The following PHF24 variants were observed in gnomAD, a reference collection of about 807,000 sequenced individuals.
PHF24 encodes the protein PHD finger protein 24, also known as Galpha inhibitory interacting protein.
A neutral mutation model predicts 42.6 loss-of-function variants in PHF24; 25 were observed. The ratio of observed to expected loss-of-function variants is 0.59; its 90% confidence interval spans 0.43 to 0.82. The LOEUF is 0.82. Ranked by LOEUF, PHF24 falls within the 40% of genes least tolerant of loss-of-function variation. PHF24 has a pLI of 0.00. For missense variants in PHF24, 470 were observed against 538.1 expected (o/e 0.87, Z 1.25); for synonymous variants, 185 against 204.8 (o/e 0.90, Z 0.83).
At chr9:34,822,053 A>T in the PHF24 span, among the ~76,000 whole-genome samples, 3 of 152,086 alleles carry the variant, frequency 2.0e-5, no homozygotes, top group Non-Finnish European at 4.4e-5. Flanking sequence ...TTTCTTTTCT[A>T]CTTCTGTATC....
the PHF24 span, among the ~76,000 whole-genome samples, chr9:34,722,053 GTTA>G: frequency 2.0e-5 from 3 of 152,134 alleles, no homozygotes; most frequent in East Asian, 5.8e-4. Context: ...TGTTTGGTGT[GTTA>G]TCCAGTTGCA....
At chr9:34,740,588 G>A in the PHF24 span, among the ~76,000 whole-genome samples, 6 of 152,298 alleles carry the variant, frequency 3.9e-5, no homozygotes, top group East Asian at 1.9e-4. Flanking sequence ...CAAGCACCTC[G>A]CGCAGCCCCG....
chr9:34,709,909 G>T, the PHF24 span: 1 of 1,614,192 alleles, frequency 6.2e-7, no homozygotes, highest in Non-Finnish European at 8.5e-7. Context: ...TGCAGGGTGG[G>T]ATTCACAGGG....
the PHF24 span, among the ~76,000 whole-genome samples, chr9:34,717,182 C>T: frequency 6.6e-6 from 1 of 152,042 alleles, no homozygotes; most frequent in Admixed American, 6.6e-5. Flanking sequence ...TACAGTTGTT[C>T]CCAGAGTCTT....
chr9:34,916,640 A>C, the PHF24 span, among the ~76,000 whole-genome samples: 1 of 152,222 alleles, frequency 6.6e-6, no homozygotes, highest in African/African-American at 2.4e-5. Context: ...AAAACTTAGG[A>C]GTATGACAAT....
chr9:34,771,525 A>G, the PHF24 span, among the ~76,000 whole-genome samples: 1 of 152,246 alleles, frequency 6.6e-6, no homozygotes, highest in Non-Finnish European at 1.5e-5. Flanking sequence ...GATAGTACAG[A>G]GAGGACATAT....
the PHF24 span, among the ~76,000 whole-genome samples, chr9:34,778,340 G>A: frequency 6.6e-6 from 1 of 152,178 alleles, no homozygotes; most frequent in African/African-American, 2.4e-5. Context: ...GTCAGATTGG[G>A]TTACAAAAAT....
the PHF24 span, among the ~76,000 whole-genome samples, chr9:34,782,308 T>G: frequency 6.6e-6 from 1 of 151,994 alleles, no homozygotes; most frequent in Non-Finnish European, 1.5e-5. Context: ...TCTCAGCAAT[T>G]TCGTATAATA....
At chr9:34,972,300 T>C in intron 2 of PHF24, 46 bp from the exon 3 acceptor site, 3 of 1,531,944 alleles carry the variant, frequency 2.0e-6, no homozygotes, top group Non-Finnish European at 2.7e-6. Context: ...GGAATCTTGC[T>C]GCCTACATTT....
chr9:34,786,129 G>A, the PHF24 span, among the ~76,000 whole-genome samples: 53 of 152,300 alleles, frequency 3.5e-4, no homozygotes, highest in Admixed American at 2.0e-3. Context: ...AAACCAATGG[G>A]TGATGAATGA....
chr9:34,943,063 A>G, the PHF24 span, among the ~76,000 whole-genome samples: 1 of 152,262 alleles, frequency 6.6e-6, no homozygotes, highest in East Asian at 1.9e-4. Flanking sequence ...GTACCTGAAC[A>G]CTCATCAATC....
At chr9:34,701,221 G>A in the PHF24 span, among the ~76,000 whole-genome samples, 2 of 152,126 alleles carry the variant, frequency 1.3e-5, no homozygotes, top group Admixed American at 6.5e-5. The surrounding 1 kb of genome is among the most constrained non-coding windows in gnomAD (Gnocchi z 5.8). Context: ...GATCCTGAAT[G>A]CGCGCGTACT....
At chr9:34,728,747 G>A in the PHF24 span, 34 of 1,156,138 alleles carry the variant, frequency 2.9e-5, 1 homozygote, top group African/African-American at 2.6e-4. Flanking sequence ...TTTTTCACTC[G>A]CTTTGTATAT....
At chr9:34,839,361 A>C in the PHF24 span, among the ~76,000 whole-genome samples, 1 of 152,084 alleles carries the variant, frequency 6.6e-6, no homozygotes, top group South Asian at 2.1e-4. Context: ...TGCCTGTAGG[A>C]TTTTTATTTG....
chr9:34,687,752 A>G, the PHF24 span, among the ~76,000 whole-genome samples: 2 of 152,198 alleles, frequency 1.3e-5, no homozygotes, highest in Non-Finnish European at 2.9e-5. Context: ...GAAGGATTTC[A>G]GGCAATGTGC....
chr9:34,710,776 TG>T, the PHF24 span, among the ~76,000 whole-genome samples: 1 of 152,136 alleles, frequency 6.6e-6, no homozygotes, highest in Admixed American at 6.6e-5. Context: ...GTCCGGCTAC[TG>T]TTTTCATTTT....
chr9:34,777,834 C>A, the PHF24 span, among the ~76,000 whole-genome samples: 3 of 152,148 alleles, frequency 2.0e-5, no homozygotes, highest in African/African-American at 7.2e-5. Flanking sequence ...TCTCAGGGAC[C>A]CAATGTTAGC....
chr9:34,785,678 A>C, the PHF24 span, among the ~76,000 whole-genome samples: 1 of 152,118 alleles, frequency 6.6e-6, no homozygotes, highest in Non-Finnish European at 1.5e-5. Context: ...TCTGCCACCA[A>C]GTTCTTAGGG....
chr9:34,693,349 G>A, the PHF24 span, among the ~76,000 whole-genome samples: 9 of 152,188 alleles, frequency 5.9e-5, no homozygotes, highest in African/African-American at 1.2e-4. Flanking sequence ...GATCAGTGGT[G>A]GAAGGAGAGA....
Sources: gnomAD v4.1 joint callset for allele counts (sites outside exome capture counted in the v4.1 genomes callset) on GRCh38, gnomAD v4.1.1 for gene constraint, Gnocchi (gnomAD v3.1) non-coding constraint, MANE v1.5 for transcripts, NCBI Gene and HGNC (gene_info 2026-07-23, HGNC 2026-07-21) for gene names.